The following CCDC146 variants were observed in gnomAD, a reference collection of about 807,000 sequenced individuals.
CCDC146 encodes the protein coiled-coil domain-containing protein 146.
CCDC146 carries 92 observed loss-of-function variants against 119.3 expected under a neutral mutation model. The ratio of observed to expected loss-of-function variants is 0.77; its 90% CI spans 0.65 to 0.92. The LOEUF is 0.92. Ranked by LOEUF, CCDC146 falls within the 40% of genes least tolerant of loss-of-function variation. CCDC146 has a pLI of 0.00. For missense variants in CCDC146, 1,000 were observed against 1,103.0 expected, an observed-to-expected ratio of 0.91 and a Z score of 1.32; for synonymous variants, 372 against 371.8, an observed-to-expected ratio of 1.00 and a Z score of -0.01.
At chr7:77,185,197 C>T (rs1791647470) in intron 2 of CCDC146, among the ~76,000 whole-genome samples, 1 of 151,952 alleles carries the variant, frequency 6.6e-6, no homozygotes, top group Admixed American at 6.6e-5. Flanking sequence ...AAGTGTCCAG[C>T]CCATGGTTGG....
At chr7:77,244,203 G>C (rs936429885) in intron 4 of CCDC146, among the ~76,000 whole-genome samples, 5 of 152,130 alleles carry the variant, frequency 3.3e-5, no homozygotes, top group African/African-American at 1.2e-4. Context: ...TTTTTACACA[G>C]CTCTACAATG....
At position 77,177,087 on chromosome 7, in the gene CCDC146, C is replaced by T. The variant is rs183714153; in HGVS notation, c.156+9263C>T. 2.6e-5 allele frequency among the ~76,000 whole-genome samples: 4 copies of T among 152,078 alleles called. No individual in the cohort carries two copies. The East Asian group carries it at 7.7e-4, about 29-fold the overall frequency. ...CTGGGCTCAAGTGATCTACCCACCT[C>T]GGCCTCTCAAAATGCTGGGATTACA... is the stretch of plus-strand genomic sequence containing the variant. On this transcript the variant is annotated intron_variant, in intron 2 of 18. Transcript: ENST00000285871.
chr7:77,214,927 A>G (rs1792268008), intron 2 of CCDC146, among the ~76,000 whole-genome samples: 1 of 152,146 alleles, frequency 6.6e-6, no homozygotes. Context: ...TCTCCCTTTT[A>G]GTGATGTTAC....
chr7:77,124,212 T>G (rs1399970400), intron 1 of CCDC146, among the ~76,000 whole-genome samples: 1 of 152,220 alleles, frequency 6.6e-6, no homozygotes, highest in East Asian at 1.9e-4. Context: ...ATTTTACTTT[T>G]TCAAACAAAA....
chr7:77,154,513 T>A (rs1322904534), intron 1 of CCDC146, among the ~76,000 whole-genome samples: 1 of 144,106 alleles, frequency 6.9e-6, no homozygotes, highest in African/African-American at 2.5e-5. Context: ...TGTCCATGTG[T>A]TCTCATTGTT....
chr7:77,230,494 A>ATGTGTGTG (rs71524923), intron 2 of CCDC146, among the ~76,000 whole-genome samples: 5,709 of 149,308 alleles, frequency 0.038, 267 homozygotes, highest in African/African-American at 0.11. Context: ...GTTGACAGGT[A>ATGTGTGTG]TGTGTGTGTG....
intron 1 of CCDC146, among the ~76,000 whole-genome samples, chr7:77,131,200 C>T (rs901356502): frequency 4.0e-5 from 6 of 151,858 alleles, no homozygotes; most frequent in African/African-American, 1.5e-4. Context: ...CTTAAAATCC[C>T]AAATTACTCA....
rs556966178 is a variant in CCDC146, at chr7:77,224,174, G to C, written c.157-12773G>C. Reference sequence around the variant, plus strand: ...CACAAATTTATCATCTAATAATTCTGTAGGTCAGAAGTCCAACCTGAGCCT... The same window carrying C: ...CACAAATTTATCATCTAATAATTCTCTAGGTCAGAAGTCCAACCTGAGCCT... On this transcript the variant is annotated intron_variant, in intron 2 of 18. Transcript: ENST00000285871. Among the ~76,000 whole-genome samples the C allele has an allele frequency of 5.9e-5, 9 of 152,316 alleles. No homozygotes were observed. The South Asian group carries it at 6.2e-4, about 11-fold the overall frequency.
At chr7:77,216,222 G>A (rs17159086) in intron 2 of CCDC146, among the ~76,000 whole-genome samples, 2,374 of 151,994 alleles carry the variant, frequency 0.016, 67 homozygotes, top group African/African-American at 0.055. Flanking sequence ...TATACAGTAA[G>A]TTATAGTGAA....
chr7:77,167,263 T>C (rs1456193234), intron 1 of CCDC146, among the ~76,000 whole-genome samples: 3 of 152,150 alleles, frequency 2.0e-5, no homozygotes, highest in Non-Finnish European at 4.4e-5. Context: ...GTATAGATTA[T>C]AGAGGTATCA....
At chr7:77,254,908 A>G (rs1199614175) in intron 5 of CCDC146, among the ~76,000 whole-genome samples, 4 of 152,268 alleles carry the variant, frequency 2.6e-5, no homozygotes, top group African/African-American at 7.2e-5. Context: ...AGTTATTACA[A>G]CAAATTTTTA....
intron 1 of CCDC146, among the ~76,000 whole-genome samples, chr7:77,143,505 G>C (rs1192051665): frequency 1.3e-5 from 2 of 151,954 alleles, no homozygotes; most frequent in African/African-American, 2.4e-5. Context: ...CCTATGTCCT[G>C]AATGGTATTG....
At chr7:77,225,793 A>G (rs2150468458) in intron 2 of CCDC146, among the ~76,000 whole-genome samples, 1 of 151,868 alleles carries the variant, frequency 6.6e-6, no homozygotes, top group South Asian at 2.1e-4. Flanking sequence ...ATATACAAAA[A>G]TTAGCTTGGC....
intron 15 of CCDC146, among the ~76,000 whole-genome samples, chr7:77,285,685 C>T (rs1793834915): frequency 6.6e-6 from 1 of 152,186 alleles, no homozygotes; most frequent in Admixed American, 6.5e-5. Flanking sequence ...TGTTGGTTGT[C>T]ACCATGCTCC....
intron 1 of CCDC146, among the ~76,000 whole-genome samples, chr7:77,151,757 A>G (rs1351266833): frequency 6.6e-6 from 1 of 152,132 alleles, no homozygotes; most frequent in East Asian, 1.9e-4. Context: ...GTGTCTGACC[A>G]TGCAGGTTCC....
intron 1 of CCDC146, among the ~76,000 whole-genome samples, chr7:77,146,508 T>C (rs1791022139): frequency 6.6e-6 from 1 of 152,210 alleles, no homozygotes; most frequent in Non-Finnish European, 1.5e-5. Flanking sequence ...CTAGCCTTGA[T>C]GGTCTTTACA....
intron 2 of CCDC146, among the ~76,000 whole-genome samples, chr7:77,226,127 G>A (rs78391114): frequency 0.12 from 18,969 of 152,230 alleles, 1,603 homozygotes; most frequent in Non-Finnish European, 0.17. Context: ...GATAACCTAT[G>A]GGAAAAGTCA....
intron 1 of CCDC146, among the ~76,000 whole-genome samples, chr7:77,161,424 T>A (rs1791259317): frequency 1.3e-5 from 2 of 152,010 alleles, no homozygotes; most frequent in South Asian, 4.1e-4. Flanking sequence ...TAAGAAAATG[T>A]GGCACATATA....
At chr7:77,130,586 A>G (rs1465647154) in intron 1 of CCDC146, among the ~76,000 whole-genome samples, 1 of 148,088 alleles carries the variant, frequency 6.8e-6, no homozygotes, top group Non-Finnish European at 1.5e-5. Context: ...CCAGCATAAT[A>G]TCCTTTCTTT....
Sources: gnomAD v4.1 joint callset for allele counts (sites outside exome capture counted in the v4.1 genomes callset) on GRCh38, gnomAD v4.1.1 for gene constraint, MANE v1.5 for transcripts, NCBI Gene and HGNC (gene_info 2026-07-23, HGNC 2026-07-21) for gene names.